The following OLFM3 variants were observed in gnomAD, a reference collection of about 807,000 sequenced individuals.
OLFM3 encodes noelin-3.
A neutral mutation model predicts 48.6 loss-of-function variants in OLFM3; 20 were observed. That is an observed-to-expected ratio of 0.41 (90% CI 0.29 to 0.60). OLFM3 has a LOEUF of 0.60. Ranked by LOEUF, OLFM3 falls within the 20% of genes least tolerant of loss-of-function variation. The pLI is 0.28. For missense variants in OLFM3, 437 were observed against 544.3 expected (o/e 0.80, Z 1.96); for synonymous variants, 222 against 198.1 (o/e 1.12, Z -1.01).
intron 1 of OLFM3, among the ~76,000 whole-genome samples, chr1:101,934,925 C>A (rs187241585): frequency 6.6e-6 from 1 of 151,924 alleles, no homozygotes; most frequent in Admixed American, 6.6e-5. Context: ...ACTAATGAGA[C>A]CAAAGATACA....
chr1:101,828,154 T>TGCAGAACTGTA (rs1317427973), intron 3 of OLFM3, among the ~76,000 whole-genome samples: 3 of 151,936 alleles, frequency 2.0e-5, no homozygotes. Flanking sequence ...TCCCCAGCCA[T>TGCAGAACTGTA]GCAGAACTGT....
At chr1:101,925,541 C>T (rs186782174) in intron 1 of OLFM3, among the ~76,000 whole-genome samples, 2 of 151,982 alleles carry the variant, frequency 1.3e-5, no homozygotes, top group Admixed American at 6.6e-5. Context: ...TTCTTACAGA[C>T]AGGATCTTGC....
At chr1:101,896,714 G>A (rs1043912042) in intron 1 of OLFM3, among the ~76,000 whole-genome samples, 11 of 139,464 alleles carry the variant, frequency 7.9e-5, no homozygotes, top group South Asian at 2.2e-4. Flanking sequence ...GGGTTTCACC[G>A]TGGTCTCGAT....
At chr1:101,866,686 C>A (rs1656875528) in intron 1 of OLFM3, among the ~76,000 whole-genome samples, 2 of 152,078 alleles carry the variant, frequency 1.3e-5, no homozygotes, top group Non-Finnish European at 2.9e-5. Flanking sequence ...ACTGTTTTTA[C>A]ATATGCATTC....
At chr1:101,841,770 C>T (rs2100933140) in intron 1 of OLFM3, among the ~76,000 whole-genome samples, 1 of 152,204 alleles carries the variant, frequency 6.6e-6, no homozygotes, top group Non-Finnish European at 1.5e-5. Context: ...TTGTATTATC[C>T]TGATTTTCTG....
chr1:101,860,377 A>C (rs955521318), intron 1 of OLFM3, among the ~76,000 whole-genome samples: 4 of 152,130 alleles, frequency 2.6e-5, no homozygotes, highest in African/African-American at 4.8e-5. Context: ...CATGAATAAC[A>C]GTCTTAATTC....
chr1:101,824,415 G>T (rs1017433928), intron 4 of OLFM3, among the ~76,000 whole-genome samples: 1 of 152,132 alleles, frequency 6.6e-6, no homozygotes, highest in Admixed American at 6.5e-5. Context: ...ATTTTAGGAG[G>T]TAAGAAGTAG....
chr1:101,930,237 G>A (rs990876814), intron 1 of OLFM3, among the ~76,000 whole-genome samples: 1 of 152,112 alleles, frequency 6.6e-6, no homozygotes, highest in Admixed American at 6.6e-5. Flanking sequence ...GTAATGTGCT[G>A]TCCTATCCTT....
intron 1 of OLFM3, among the ~76,000 whole-genome samples, chr1:101,838,722 C>T (rs1001632266): frequency 2.0e-5 from 3 of 152,258 alleles, no homozygotes; most frequent in Admixed American, 6.5e-5. Context: ...TCAGGTGATC[C>T]GCCTGCCTCA....
In OLFM3 at chr1:101,804,966, G is replaced by T; in HGVS notation, c.700-51C>A. On this transcript the variant is annotated intron_variant, in intron 5 of 5. Transcript: ENST00000370103. This position sits in a 1 kb window ranked among gnomAD's most constrained non-coding sequence, Gnocchi z 4.5. ...GAGTGACTAAATTCTGTACTTTTCT[G>T]ATAACCCCAAAAGAAAGACAGTGAG... 7.1e-7 allele frequency: 1 copy of T among 1,398,940 alleles called. No homozygotes were observed. Among genetic ancestry groups the T allele is most frequent in the South Asian group, 1.3e-5 (1 of 75,078 alleles). 86.7% of individuals were successfully genotyped at this position (1,398,940 alleles called of 1,614,324 possible). A position where few individuals can be genotyped will look rare whatever the true frequency, so the allele number is the denominator to read the frequency against.
chr1:101,968,624 T>C (rs1660693468), intron 1 of OLFM3, among the ~76,000 whole-genome samples: 2 of 151,902 alleles, frequency 1.3e-5, no homozygotes, highest in Admixed American at 1.3e-4. Context: ...GCCACTTATA[T>C]GGAAAAGGCA....
intron 1 of OLFM3, among the ~76,000 whole-genome samples, chr1:101,890,134 AATG>A (rs1358560282): frequency 6.6e-6 from 1 of 152,068 alleles, no homozygotes; most frequent in East Asian, 1.9e-4. Context: ...CTTGGAACAT[AATG>A]ATCTTGGAAA....
At chr1:101,845,735 C>T (rs2100940529) in intron 1 of OLFM3, among the ~76,000 whole-genome samples, 1 of 152,224 alleles carries the variant, frequency 6.6e-6, no homozygotes, top group East Asian at 1.9e-4. Flanking sequence ...CATAAGTAAC[C>T]TAAGGGAAAT....
chr1:101,883,825 G>A (rs1362233684), intron 1 of OLFM3, among the ~76,000 whole-genome samples: 1 of 151,814 alleles, frequency 6.6e-6, no homozygotes, highest in Non-Finnish European at 1.5e-5. Context: ...AACAGCTTCA[G>A]AGTTAAATAC....
intron 3 of OLFM3, among the ~76,000 whole-genome samples, chr1:101,829,549 T>A (rs1410950751): frequency 6.6e-6 from 1 of 152,218 alleles, no homozygotes; most frequent in Admixed American, 6.5e-5. Flanking sequence ...CATGAAACTT[T>A]CTGCCACATT....
intron 1 of OLFM3, among the ~76,000 whole-genome samples, chr1:101,940,160 A>T (rs1352003718): frequency 2.0e-5 from 3 of 151,970 alleles, no homozygotes; most frequent in African/African-American, 7.3e-5. Flanking sequence ...CTGAAGGGAG[A>T]AGTTATAGAG....
rs1027685766 is a variant in OLFM3 at position 101,852,002 on chromosome 1, A to C, written c.70-14977T>G. ...GCTGCAATTCTTGGCCCACCCTTTGAGTAGACAGCCCTAGGTTATATCTCT... is the reference window on the plus strand; with the variant it reads ...GCTGCAATTCTTGGCCCACCCTTTGCGTAGACAGCCCTAGGTTATATCTCT... On this transcript the variant is annotated intron_variant, in intron 1 of 5. Transcript: ENST00000370103. Among the ~76,000 whole-genome samples the C allele has an allele frequency of 2.2e-4, 33 of 152,064 alleles. 1 individual carries two copies. The highest frequency in any genetic ancestry group is 1.5e-5 in the Non-Finnish European group (1 of 67,990).
intron 1 of OLFM3, among the ~76,000 whole-genome samples, chr1:101,979,492 A>G (rs1300032247): frequency 6.6e-6 from 1 of 152,160 alleles, no homozygotes; most frequent in Non-Finnish European, 1.5e-5. Flanking sequence ...AGCATCTGGT[A>G]TTTCCCCTGC....
At chr1:101,894,581 C>T (rs1038062998) in intron 1 of OLFM3, among the ~76,000 whole-genome samples, 1 of 152,050 alleles carries the variant, frequency 6.6e-6, no homozygotes, top group African/African-American at 2.4e-5. Context: ...GAGGGAATTA[C>T]ACTTTTTAAG....
Sources: gnomAD v4.1 joint callset for allele counts (sites outside exome capture counted in the v4.1 genomes callset) on GRCh38, gnomAD v4.1.1 for gene constraint, Gnocchi (gnomAD v3.1) non-coding constraint, MANE v1.5 for transcripts, NCBI Gene and HGNC (gene_info 2026-07-23, HGNC 2026-07-21) for gene names.